Variants in LNX1 observed in about 807,000 individuals in gnomAD.
LNX1 encodes E3 ubiquitin-protein ligase LNX.
In LNX1, 54 loss-of-function variants were observed where a neutral mutation model predicts 68.4. The observed-to-expected ratio is 0.79, with a 90% CI of 0.63 to 0.99. The LOEUF (loss-of-function observed/expected upper bound fraction) is 0.99. LNX1 is among the 50% of genes least tolerant of loss of function. LNX1 has a pLI of 0.00. For missense variants in LNX1, 906 were observed against 926.4 expected, an observed-to-expected ratio of 0.98 and a Z score of 0.29; for synonymous variants, 336 against 350.0, an observed-to-expected ratio of 0.96 and a Z score of 0.45.
At chr4:53,626,947 C>A (rs924627044) in intron 1 of LNX1, among the ~76,000 whole-genome samples, 4 of 152,164 alleles carry the variant, frequency 2.6e-5, no homozygotes, top group Non-Finnish European at 5.9e-5. Flanking sequence ...AAGACTGAAC[C>A]TTTACTCATC....
chr4:53,464,522 G>GTGT (rs147565558), intron 9 of LNX1, among the ~76,000 whole-genome samples: 17,928 of 152,106 alleles, frequency 0.12, 1,147 homozygotes, highest in East Asian at 0.16. Flanking sequence ...TGGACAATCA[G>GTGT]TGTTATAAAC....
upstream of LNX1, chr4:53,617,508 A>G (rs1449049468): frequency 6.6e-6 from 1 of 152,222 alleles, no homozygotes; most frequent in Non-Finnish European, 1.5e-5. Flanking sequence ...GTGCAGCCAT[A>G]AAAACTCCAG....
At chr4:53,579,720 G>T (rs144950563) in intron 1 of LNX1, among the ~76,000 whole-genome samples, 112 of 152,264 alleles carry the variant, frequency 7.4e-4, no homozygotes, top group African/African-American at 2.6e-3. Flanking sequence ...TCAGAACAAT[G>T]GGATCCTTGG....
intron 9 of LNX1, among the ~76,000 whole-genome samples, chr4:53,475,678 G>A (rs1426987136): frequency 6.6e-6 from 1 of 152,110 alleles, no homozygotes; most frequent in African/African-American, 2.4e-5. Context: ...ATCATCTGAA[G>A]GCCAACAGTT....
intron 2 of LNX1, among the ~76,000 whole-genome samples, chr4:53,529,689 G>A (rs1419520696): frequency 2.6e-5 from 4 of 152,178 alleles, no homozygotes; most frequent in Non-Finnish European, 5.9e-5. Context: ...AGGAGGAGGT[G>A]TACAAGCTAC....
At chr4:53,558,356 A>G (rs1449692234) in intron 2 of LNX1, 2 of 863,578 alleles carry the variant, frequency 2.3e-6, no homozygotes, top group Non-Finnish European at 2.9e-6. Context: ...GGAAGAGGAC[A>G]TGAGCATGAC....
chr4:53,492,615 T>TTAAGTG (rs756402583), intron 6 of LNX1, among the ~76,000 whole-genome samples: 1 of 145,952 alleles, frequency 6.9e-6, no homozygotes, highest in East Asian at 2.0e-4. Flanking sequence ...AGAGAGATGA[T>TTAAGTG]TAAGTGTGGA....
rs532362166 is a variant in LNX1, at chr4:53,487,195, C to G, written c.1351-5341G>C. On this transcript the variant is annotated intron_variant, in intron 6 of 10. Transcript: ENST00000263925. Reference sequence around the variant, plus strand: ...GAGCAGCATTTTGCAGAGCTGTACACTGGAGCACAGGGCATCTTTCTACTG... The same window carrying G: ...GAGCAGCATTTTGCAGAGCTGTACAGTGGAGCACAGGGCATCTTTCTACTG... 3.9e-5 allele frequency among the ~76,000 whole-genome samples: 6 copies of G among 152,316 alleles called. No homozygotes were observed. The East Asian group carries it at 9.7e-4, about 25-fold the overall frequency.
chr4:53,514,470 A>G (rs1726597127), intron 2 of LNX1, among the ~76,000 whole-genome samples: 1 of 145,454 alleles, frequency 6.9e-6, no homozygotes, highest in Non-Finnish European at 1.5e-5. Context: ...GTGACGTCTC[A>G]TATGGCGGCA....
intron 2 of LNX1, among the ~76,000 whole-genome samples, chr4:53,570,308 T>C (rs1731055066): frequency 6.7e-6 from 1 of 149,360 alleles, no homozygotes; most frequent in Non-Finnish European, 1.5e-5. Context: ...ATGTGGCACA[T>C]ATACACCATG....
intron 1 of LNX1, among the ~76,000 whole-genome samples, chr4:53,627,521 C>A (rs954056404): frequency 1.3e-5 from 2 of 152,144 alleles, no homozygotes; most frequent in Admixed American, 6.5e-5. Flanking sequence ...AACCACAGAT[C>A]AACAAAACAA....
intron 7 of LNX1, among the ~76,000 whole-genome samples, chr4:53,479,501 T>A (rs183488823): frequency 6.6e-6 from 1 of 152,330 alleles, no homozygotes; most frequent in East Asian, 1.9e-4. Flanking sequence ...CCAGTGTCCA[T>A]GACCATTTCC....
intron 2 of LNX1, among the ~76,000 whole-genome samples, chr4:53,605,815 T>C (rs983845850): frequency 1.3e-5 from 2 of 152,216 alleles, no homozygotes; most frequent in Non-Finnish European, 2.9e-5. Context: ...TCTTTATCCA[T>C]CATCTATCAA....
chr4:53,597,396 C>T (rs1732798774), intron 2 of LNX1, among the ~76,000 whole-genome samples: 1 of 152,164 alleles, frequency 6.6e-6, no homozygotes, highest in Admixed American at 6.5e-5. Context: ...CACAGAATGC[C>T]ACCACCTGCC....
intron 9 of LNX1, among the ~76,000 whole-genome samples, chr4:53,463,407 TTTATTG>T (rs1579342048): frequency 7.7e-6 from 1 of 130,574 alleles, no homozygotes; most frequent in East Asian, 2.8e-4. Flanking sequence ...AGTATTTAAC[TTTATTG>T]CCGCAGCGAG....
chr4:53,495,875 A>T, intron 6 of LNX1, 148 bp downstream of exon 6: 2 of 982,908 alleles, frequency 2.0e-6, no homozygotes, highest in South Asian at 3.3e-5. Flanking sequence ...AGAAGCTTTG[A>T]AAATGTTGGT....
chr4:53,511,611 TAGAGGTA>T (rs1726345608), intron 2 of LNX1, among the ~76,000 whole-genome samples: 1 of 152,182 alleles, frequency 6.6e-6, no homozygotes, highest in African/African-American at 2.4e-5. Flanking sequence ...TCAAAGTGAG[TAGAGGTA>T]AATCTGTCTT....
chr4:53,624,226 CT>C (rs1733991720), intron 1 of LNX1, among the ~76,000 whole-genome samples: 1 of 152,152 alleles, frequency 6.6e-6, no homozygotes, highest in Admixed American at 6.5e-5. Context: ...TGTGATTTGG[CT>C]GTGTCCCCAC....
At chr4:53,596,696 T>G (rs551244446) in intron 2 of LNX1, among the ~76,000 whole-genome samples, 2 of 152,264 alleles carry the variant, frequency 1.3e-5, no homozygotes, top group East Asian at 3.9e-4. Flanking sequence ...ATACCAGATT[T>G]AAAATGTCTC....
Sources: allele counts gnomAD v4.1 joint callset (sites outside exome capture counted in the v4.1 genomes callset), GRCh38; gene constraint gnomAD v4.1.1; transcripts MANE v1.5; gene names NCBI Gene and HGNC (gene_info 2026-07-23, HGNC 2026-07-21).